NKAIN2: variants seen among roughly 807,000 people sequenced by gnomAD.
The protein encoded by NKAIN2 is sodium/potassium transporting ATPase interacting 2.
NKAIN2 carries 14 observed loss-of-function variants against 32.6 expected under a neutral mutation model. The observed-to-expected ratio is 0.43, with a 90% CI of 0.28 to 0.67. The LOEUF is 0.67. Ranked by LOEUF, NKAIN2 falls within the 30% of genes least tolerant of loss-of-function variation. The probability of loss-of-function intolerance (pLI) is 0.17; values close to 1 mark genes in which losing one functional copy is unlikely to be tolerated. For synonymous variants in NKAIN2, 80 were observed against 87.2 expected (o/e 0.92, Z 0.46); for missense variants, 198 against 258.3 (o/e 0.77, Z 1.60).
rs1460781645 is a variant in NKAIN2, at chr6:124,178,041, C to T, written c.55-104964C>T. Among the ~76,000 whole-genome samples, 4 of 2,332 alleles carry T rather than the reference C, an allele frequency of 1.7e-3. 2 individuals are homozygous for T. Among genetic ancestry groups the T allele is most frequent in the Non-Finnish European group, 4.8e-3 (4 of 826 alleles). 1.5% of individuals were successfully genotyped at this position (2,332 alleles called of 152,430 possible). Reference sequence around the variant, plus strand: ...CTCGTGATCCGCCCGCCTCGGCCTCCCAAAGTGCTGGGATTACAGGCGTGA... The same window carrying T: ...CTCGTGATCCGCCCGCCTCGGCCTCTCAAAGTGCTGGGATTACAGGCGTGA... On this transcript the variant is annotated intron_variant, in intron 1 of 6. Coordinates refer to ENST00000368417, the MANE Select transcript of NKAIN2 (RefSeq NM_001040214.3).
chr6:123,908,448 A>G (rs142897547), intron 1 of NKAIN2, among the ~76,000 whole-genome samples: 13 of 152,322 alleles, frequency 8.5e-5, no homozygotes, highest in African/African-American at 2.9e-4. Context: ...TCTATTTTTA[A>G]GCTTTTTCAA....
chr6:123,998,752 T>TGC (rs1453975627), intron 1 of NKAIN2, among the ~76,000 whole-genome samples: 3 of 145,254 alleles, frequency 2.1e-5, no homozygotes, highest in Non-Finnish European at 4.5e-5. Context: ...TCTGTGTGTG[T>TGC]GTGTGTGTGT....
intron 1 of NKAIN2, among the ~76,000 whole-genome samples, chr6:124,001,326 A>C (rs1351224335): frequency 1.3e-5 from 2 of 152,088 alleles, no homozygotes; most frequent in Non-Finnish European, 2.9e-5. Flanking sequence ...GGAGAAAGTA[A>C]AAAACAACAT....
chr6:123,955,196 C>CAAAAAAAAAAAA (rs5879708), intron 1 of NKAIN2, among the ~76,000 whole-genome samples: 11 of 105,010 alleles, frequency 1.0e-4, no homozygotes, highest in East Asian at 2.8e-4. Flanking sequence ...ACAGAAAAAC[C>CAAAAAAAAAAAA]AAAAAAAAAA....
chr6:124,596,819 G>A (rs1049926538), intron 3 of NKAIN2, among the ~76,000 whole-genome samples: 2 of 152,004 alleles, frequency 1.3e-5, no homozygotes, highest in Non-Finnish European at 2.9e-5. Context: ...TTGCCTCGTG[G>A]TTATAGAGGC....
chr6:123,998,624 C>G (rs1391486852), intron 1 of NKAIN2, among the ~76,000 whole-genome samples: 1 of 151,930 alleles, frequency 6.6e-6, no homozygotes, highest in Admixed American at 6.6e-5. Flanking sequence ...CTGCTGTGAA[C>G]AGGGGAGTAC....
chr6:124,163,187 T>G (rs1788361920), intron 1 of NKAIN2, among the ~76,000 whole-genome samples: 1 of 151,950 alleles, frequency 6.6e-6, no homozygotes, highest in South Asian at 2.1e-4. Flanking sequence ...CTTCTAAATA[T>G]AAAGGAAAAA....
chr6:124,596,648 A>G (rs554225), intron 3 of NKAIN2, among the ~76,000 whole-genome samples: 79,696 of 150,408 alleles, frequency 0.53, 22,149 homozygotes, highest in Non-Finnish European at 0.6. Context: ...GAGAAACAGA[A>G]CAAATAAACC....
rs1257113093 is a variant in NKAIN2, at chr6:124,687,435, T to TAC, written c.474+29050_474+29051insCA. Among the ~76,000 whole-genome samples the TAC allele has an allele frequency of 2.1e-4, 28 of 132,968 alleles. 1 individual carries two copies. Among genetic ancestry groups the TAC allele is most frequent in the African/African-American group, 7.0e-4 (24 of 34,486 alleles). The allele number at this position is 132,968 out of a possible 152,430, so 87.2% of individuals were successfully genotyped here. A position where few individuals can be genotyped will look rare whatever the true frequency, so the allele number is the denominator to read the frequency against. Reference sequence around the variant, plus strand: ...GAATATATATATTCCATGTATACCATATACATACATGGTATATATTCCATA... The same window carrying TAC: ...GAATATATATATTCCATGTATACCATACATACATACATGGTATATATTCCATA... On this transcript the variant is annotated intron_variant, in intron 4 of 6. Transcript: ENST00000368417.
At chr6:124,262,807 C>T (rs1018800059) in intron 1 of NKAIN2, among the ~76,000 whole-genome samples, 59 of 152,250 alleles carry the variant, frequency 3.9e-4, no homozygotes, top group African/African-American at 1.1e-3. Context: ...TAACAAGCAA[C>T]GATGGGACCT....
intron 2 of NKAIN2, among the ~76,000 whole-genome samples, chr6:124,323,044 T>G (rs1797259813): frequency 6.6e-6 from 1 of 152,218 alleles, no homozygotes; most frequent in South Asian, 2.1e-4. Context: ...GAAAATGTTT[T>G]TCATGTGCTT....
chr6:123,963,116 T>C (rs899857852), intron 1 of NKAIN2, among the ~76,000 whole-genome samples: 1 of 152,164 alleles, frequency 6.6e-6, no homozygotes, highest in African/African-American at 2.4e-5. Flanking sequence ...TCGAAACTCA[T>C]ACAGTCACCT....
chr6:123,960,756 C>A (rs1429320024), intron 1 of NKAIN2, among the ~76,000 whole-genome samples: 1 of 151,712 alleles, frequency 6.6e-6, no homozygotes, highest in African/African-American at 2.4e-5. Flanking sequence ...TAGGTGTAGA[C>A]CCTCTTTCTG....
At chr6:124,392,404 C>T (rs1235293177) in intron 3 of NKAIN2, among the ~76,000 whole-genome samples, 1 of 152,142 alleles carries the variant, frequency 6.6e-6, no homozygotes, top group Non-Finnish European at 1.5e-5. Flanking sequence ...TTCTTAGCTA[C>T]AGGCACAGAG....
chr6:124,277,931 T>C (rs953092566), intron 1 of NKAIN2, among the ~76,000 whole-genome samples: 5 of 152,118 alleles, frequency 3.3e-5, no homozygotes, highest in South Asian at 2.1e-4. Context: ...ATTTTTTCTC[T>C]CAAAATCTAC....
chr6:124,483,267 A>G (rs1488796819), intron 3 of NKAIN2, among the ~76,000 whole-genome samples: 1 of 152,242 alleles, frequency 6.6e-6, no homozygotes, highest in Non-Finnish European at 1.5e-5. Context: ...ACATCACTCC[A>G]TAAGTCATAG....
chr6:124,450,562 A>G (rs923444893), intron 3 of NKAIN2, among the ~76,000 whole-genome samples: 2 of 151,850 alleles, frequency 1.3e-5, no homozygotes, highest in Non-Finnish European at 2.9e-5. Flanking sequence ...TCAATTTTGT[A>G]CAGATGGTGA....
At chr6:124,499,208 A>G (rs528933905) in intron 3 of NKAIN2, among the ~76,000 whole-genome samples, 1 of 152,296 alleles carries the variant, frequency 6.6e-6, no homozygotes, top group South Asian at 2.1e-4. Context: ...AATTCACTAT[A>G]TTTCCAAACT....
At chr6:124,811,876 TA>T (rs928336012) in intron 5 of NKAIN2, among the ~76,000 whole-genome samples, 10 of 150,016 alleles carry the variant, frequency 6.7e-5, no homozygotes, top group Admixed American at 2.7e-4. Context: ...GTATAGCTCT[TA>T]AAAAAAAAAT....
Sources: gnomAD v4.1 joint callset for allele counts (sites outside exome capture counted in the v4.1 genomes callset) on GRCh38, gnomAD v4.1.1 for gene constraint, MANE v1.5 for transcripts, NCBI Gene and HGNC (gene_info 2026-07-23, HGNC 2026-07-21) for gene names.